The following DNAH6 variants were observed in gnomAD, a reference collection of about 807,000 sequenced individuals.
DNAH6 encodes the protein axonemal beta dynein heavy chain 6.
DNAH6 carries 340 observed loss-of-function variants against 491.4 expected under a neutral mutation model. The ratio of observed to expected loss-of-function variants is 0.69; its 90% CI spans 0.63 to 0.76. The LOEUF (loss-of-function observed/expected upper bound fraction) is 0.76. Among genes scored for constraint, DNAH6 ranks in the 30% least tolerant of loss-of-function variants. The probability of loss-of-function intolerance (pLI) is 0.00; values close to 1 mark genes in which losing one functional copy is unlikely to be tolerated. For synonymous variants in DNAH6, 1,603 were observed against 1,686.1 expected, an observed-to-expected ratio of 0.95 and a Z score of 1.21; for missense variants, 4,443 against 4,972.2, an observed-to-expected ratio of 0.89 and a Z score of 3.20.
chr2:84,776,895 C>T lies in DNAH6; in HGVS notation c.10704-4598C>T, dbSNP rs141493780. Among the ~76,000 whole-genome samples the T allele has an allele frequency of 1.8e-3, 278 of 152,246 alleles. 2 individuals are homozygous for T. The highest frequency in any genetic ancestry group is 4.6e-3 in the Admixed American group (70 of 15,292). ...TTAAGAAAATGTGGCACATATACAC[C>T]GTGGAATACTATGCAGCCATGTAAA... On this transcript the variant is annotated intron_variant, in intron 64 of 76. Transcript: ENST00000389394.
At chr2:84,802,697 C>T (rs1679043603) in intron 70 of DNAH6, among the ~76,000 whole-genome samples, 1 of 152,164 alleles carries the variant, frequency 6.6e-6, no homozygotes, top group Admixed American at 6.5e-5. Flanking sequence ...AAATTCAATA[C>T]TTGACTAATT....
chr2:84,685,480 T>C lies in DNAH6; in HGVS notation c.7063+8T>C. On this transcript the variant is annotated splice_region_variant and intron_variant, in intron 43 of 76. Coordinates refer to ENST00000389394, the MANE Select transcript of DNAH6 (RefSeq NM_001370.2). ...TTCTGACAGAAATGGCCAGTAAATATGAATCTTTACCTATTCTTTTTTTTA... is the reference window on the plus strand; with the variant it reads ...TTCTGACAGAAATGGCCAGTAAATACGAATCTTTACCTATTCTTTTTTTTA... 6.9e-7 allele frequency: 1 copy of C among 1,449,486 alleles called. No individual in the cohort carries two copies. Among genetic ancestry groups the C allele is most frequent in the Admixed American group, 2.4e-5 (1 of 40,924 alleles). The allele number at this position is 1,449,486 out of a possible 1,614,324, so 89.8% of individuals were successfully genotyped here.
At position 84,525,096 on chromosome 2, in the gene DNAH6, T is replaced by G. The variant is rs186635977; in HGVS notation, c.226-469T>G. 2.1e-3 allele frequency among the ~76,000 whole-genome samples: 327 copies of G among 152,150 alleles called. 1 individual carries two copies. Among genetic ancestry groups the G allele is most frequent in the African/African-American group, 7.5e-3 (310 of 41,556 alleles). ...CACTTTATTATGTTAAAAGCTGGGG[T>G]TTTATTGCCATAATTTTCAGTTGAA... On this transcript the variant is annotated intron_variant, in intron 2 of 76. Coordinates refer to ENST00000389394, the MANE Select transcript of DNAH6 (RefSeq NM_001370.2).
intron 14 of DNAH6, among the ~76,000 whole-genome samples, chr2:84,580,418 G>A (rs996491062): frequency 4.0e-5 from 6 of 151,738 alleles, no homozygotes; most frequent in Non-Finnish European, 8.8e-5. Flanking sequence ...CTTCCCTGTA[G>A]GAAGCAATCT....
At chr2:84,592,458 G>A (rs1156291036) in intron 16 of DNAH6, among the ~76,000 whole-genome samples, 1 of 152,180 alleles carries the variant, frequency 6.6e-6, no homozygotes, top group East Asian at 1.9e-4. Context: ...TATTGGCAAG[G>A]ATGTGAAGAC....
chr2:84,642,661 A>G (rs1428619274), intron 33 of DNAH6, among the ~76,000 whole-genome samples: 1 of 151,726 alleles, frequency 6.6e-6, no homozygotes, highest in Non-Finnish European at 1.5e-5. Context: ...TGCAATATAC[A>G]TTTACAACTA....
chr2:84,561,570 A>G (rs1489006711), intron 11 of DNAH6, among the ~76,000 whole-genome samples: 1 of 152,240 alleles, frequency 6.6e-6, no homozygotes, highest in Non-Finnish European at 1.5e-5. Flanking sequence ...GCTTCTCTGC[A>G]CAGCAAAAGA....
Position 84,583,936 on chromosome 2 carries a change from A to G in DNAH6, c.2230-63A>G, listed in dbSNP as rs1683289882. 9.6e-6 allele frequency: 15 copies of G among 1,562,302 alleles called. No individual in the cohort carries two copies. In the South Asian group the frequency reaches 1.7e-4, roughly 17 times the overall value. ...TGTACAGTGTCTGTCTCCTGTTAGA[A>G]CAAACTTCAAGACTAAACTAGGATT... On this transcript the variant is annotated intron_variant, in intron 14 of 76. Coordinates refer to ENST00000389394, the MANE Select transcript of DNAH6 (RefSeq NM_001370.2).
chr2:84,514,996 G>T (rs1022147395), upstream of DNAH6, among the ~76,000 whole-genome samples: 2 of 152,048 alleles, frequency 1.3e-5, no homozygotes, highest in African/African-American at 4.8e-5. Flanking sequence ...AGGAGCAATA[G>T]ATTTGTCTCC....
At chr2:84,462,633 T>C in the DNAH6 span, among the ~76,000 whole-genome samples, 2 of 152,238 alleles carry the variant, frequency 1.3e-5, no homozygotes, top group Admixed American at 6.5e-5. Context: ...GAGGGCTTCT[T>C]ACCAAAACAT....
intron 15 of DNAH6, among the ~76,000 whole-genome samples, chr2:84,588,337 T>G (rs72941020): frequency 0.041 from 6,186 of 152,300 alleles, 410 homozygotes; most frequent in African/African-American, 0.14. Context: ...GCTCCTGAAC[T>G]ATTCCATTCC....
In DNAH6 at chr2:84,762,880, A is replaced by G. The variant is rs1199906635; in HGVS notation, c.10638A>G (p.Leu3546=). Residue 3546 remains leucine, a synonymous_variant, in exon 64 of 77, where the codon CTA becomes CTG. Coordinates refer to ENST00000389394, the MANE Select transcript of DNAH6 (RefSeq NM_001370.2). ...GCAACACTCCCCTGGTATTCATCCTAAGCACAGGCTCAGATCCCATGGGTG... is the reference window on the plus strand; with the variant it reads ...GCAACACTCCCCTGGTATTCATCCTGAGCACAGGCTCAGATCCCATGGGTG... ...MSCNTPLVFI[L]STGSDPMGAF... 2 of 1,551,506 alleles carry G rather than the reference A, an allele frequency of 1.3e-6. No homozygotes were observed. The highest frequency in any genetic ancestry group is 1.4e-5 in the African/African-American group (1 of 73,030).
At chr2:84,670,998 G>A (rs72922784) in intron 39 of DNAH6, among the ~76,000 whole-genome samples, 1,787 of 152,232 alleles carry the variant, frequency 0.012, 36 homozygotes, top group African/African-American at 0.039. Context: ...CCAATTCAAA[G>A]TTCCTCCTCT....
chr2:84,466,807 G>A, the DNAH6 span, among the ~76,000 whole-genome samples: 16 of 152,316 alleles, frequency 1.1e-4, no homozygotes, highest in East Asian at 1.5e-3. Context: ...ATGACAAAAC[G>A]TCTTAGGATA....
At chr2:84,593,309 T>C (rs1208880738) in intron 16 of DNAH6, among the ~76,000 whole-genome samples, 3 of 152,180 alleles carry the variant, frequency 2.0e-5, no homozygotes, top group Admixed American at 1.3e-4. Context: ...GGAAATCATT[T>C]GCAACTCTTA....
chr2:84,653,982 T>C (rs1690706340), intron 34 of DNAH6, 108 bp downstream of exon 34: 2 of 885,988 alleles, frequency 2.3e-6, no homozygotes, highest in Non-Finnish European at 3.3e-6. Context: ...ATGTCTATTA[T>C]TGTGTTCTGT....
intron 46 of DNAH6, among the ~76,000 whole-genome samples, chr2:84,696,233 A>G (rs912323121): frequency 5.3e-5 from 8 of 151,906 alleles, no homozygotes; most frequent in Non-Finnish European, 7.4e-5. Flanking sequence ...ACAAAAATTA[A>G]TCATATACTA....
At chr2:84,797,738 C>T (rs1678489222) in intron 70 of DNAH6, 80 bp downstream of exon 70, 2 of 1,122,582 alleles carry the variant, frequency 1.8e-6, no homozygotes, top group South Asian at 1.5e-5. Flanking sequence ...CCCACTCACT[C>T]TGGAAATTAT....
chr2:84,787,015 G>A (rs1677266830), intron 67 of DNAH6, 149 bp from the exon 68 acceptor site: 1 of 552,938 alleles, frequency 1.8e-6, no homozygotes, highest in Non-Finnish European at 3.1e-6. Context: ...TTTGGTGAAA[G>A]CCTAGCTGAA....
Sources: gnomAD v4.1 joint callset for allele counts (sites outside exome capture counted in the v4.1 genomes callset) on GRCh38, gnomAD v4.1.1 for gene constraint, MANE v1.5 for transcripts, NCBI Gene and HGNC (gene_info 2026-07-23, HGNC 2026-07-21) for gene names.